The following CALN1 variants were observed in gnomAD, a reference collection of about 807,000 sequenced individuals.
CALN1 encodes calcium-binding protein 8.
A neutral mutation model predicts 30.6 loss-of-function variants in CALN1; 17 were observed. That is an observed-to-expected ratio of 0.56 (90% CI 0.38 to 0.83). The LOEUF (loss-of-function observed/expected upper bound fraction) is 0.83, where lower values mean the gene tolerates loss of function less well. Ranked by LOEUF, CALN1 falls within the 40% of genes least tolerant of loss-of-function variation. CALN1 has a pLI of 0.00. For missense variants in CALN1, 291 were observed against 354.9 expected (o/e 0.82, Z 1.45); for synonymous variants, 156 against 131.4 (o/e 1.19, Z -1.28).
intron 3 of CALN1, among the ~76,000 whole-genome samples, chr7:72,147,712 T>C (rs1021278388): frequency 1.8e-4 from 27 of 151,942 alleles, no homozygotes; most frequent in African/African-American, 5.1e-4. Flanking sequence ...TGTCCAACAA[T>C]GATAGACTGG....
intron 2 of CALN1, among the ~76,000 whole-genome samples, chr7:72,386,266 G>A (rs1805204296): frequency 6.6e-6 from 1 of 152,118 alleles, no homozygotes; most frequent in Non-Finnish European, 1.5e-5. Flanking sequence ...GGAGGTCCAT[G>A]GAATCCCAGG....
chr7:72,092,195 T>C (rs1805909949), intron 4 of CALN1, among the ~76,000 whole-genome samples: 2 of 152,200 alleles, frequency 1.3e-5, no homozygotes, highest in Admixed American at 6.5e-5. Flanking sequence ...GTTCATGAGA[T>C]TGAAAGGTTT....
intron 2 of CALN1, among the ~76,000 whole-genome samples, chr7:72,335,425 A>G (rs1248955035): frequency 6.6e-6 from 1 of 152,206 alleles, no homozygotes; most frequent in Non-Finnish European, 1.5e-5. Flanking sequence ...CAACACACAC[A>G]GCGCAGAAAT....
At chr7:71,935,799 G>T (rs1260948134) in intron 5 of CALN1, among the ~76,000 whole-genome samples, 1 of 152,164 alleles carries the variant, frequency 6.6e-6, no homozygotes, top group African/African-American at 2.4e-5. Context: ...CCATCTTTCA[G>T]CTGTGAGTGA....
intron 5 of CALN1, among the ~76,000 whole-genome samples, chr7:71,917,281 G>A (rs1794728321): frequency 6.6e-6 from 1 of 152,156 alleles, no homozygotes. Context: ...GTAGAAATGG[G>A]GAGACAGATG....
chr7:72,192,632 TTATTATTATTA>T, intron 3 of CALN1, among the ~76,000 whole-genome samples: 2 of 552 alleles, frequency 3.6e-3, no homozygotes, highest in African/African-American at 6.2e-3. Flanking sequence ...TCTTTTATTA[TTATTATTATTA>T]TTATTATTAT....
intron 5 of CALN1, among the ~76,000 whole-genome samples, chr7:71,973,933 A>C (rs1201653215): frequency 6.6e-6 from 1 of 152,212 alleles, no homozygotes; most frequent in Non-Finnish European, 1.5e-5. Context: ...AGTTAGTTTC[A>C]ATTACCTTCG....
chr7:71,929,368 G>A (rs1045309559), intron 5 of CALN1, among the ~76,000 whole-genome samples: 1 of 152,148 alleles, frequency 6.6e-6, no homozygotes, highest in Non-Finnish European at 1.5e-5. Context: ...ACTTACAAGT[G>A]AGAACATGCA....
chr7:72,387,211 AAGGAAGGAAGGGAAGGAAGGGAAGGGAG>A (rs1353682220), intron 2 of CALN1, among the ~76,000 whole-genome samples: 25 of 116,240 alleles, frequency 2.2e-4, no homozygotes, highest in Middle Eastern at 4.5e-3. Context: ...GGAGGGAGGG[AAGGAAGGAAGGGAAGGAAGGGAAGGGAG>A]GGGAGGGAGG....
intron 3 of CALN1, among the ~76,000 whole-genome samples, chr7:72,171,819 A>C (rs1220950157): frequency 6.6e-6 from 1 of 152,166 alleles, no homozygotes; most frequent in Non-Finnish European, 1.5e-5. Flanking sequence ...TTGAAATAGT[A>C]ATAATGTTTA....
chr7:72,412,229 G>C lies in CALN1; in HGVS notation c.-245C>G, dbSNP rs1016136740. On this transcript the variant is annotated 5_prime_UTR_variant, in exon 1 of 7. Transcript: ENST00000395275. ...GACTTCAAGAACGAAGACGCAGACC[G>C]CGGCCGTGAGCTTTAAAGGTGGCGC... 6.6e-6 allele frequency: 1 copy of C among 152,256 alleles called. No homozygotes were observed. The highest frequency in any genetic ancestry group is 2.4e-5 in the African/African-American group (1 of 41,442). 9.4% of individuals were successfully genotyped at this position (152,256 alleles called of 1,614,324 possible).
intron 3 of CALN1, among the ~76,000 whole-genome samples, chr7:72,250,035 A>G (rs1795450058): frequency 6.6e-6 from 1 of 152,006 alleles, no homozygotes; most frequent in African/African-American, 2.4e-5. Context: ...TTTAACTCAG[A>G]TGGGCTCTTT....
intron 2 of CALN1, among the ~76,000 whole-genome samples, chr7:72,357,902 T>C (rs2129559608): frequency 1.3e-5 from 2 of 150,368 alleles, no homozygotes; most frequent in Middle Eastern, 7.1e-3. Flanking sequence ...GCTCCCAGGC[T>C]CAAGGGATTC....
At chr7:71,845,953 T>C (rs939484928) in intron 5 of CALN1, among the ~76,000 whole-genome samples, 6 of 152,074 alleles carry the variant, frequency 3.9e-5, no homozygotes, top group African/African-American at 1.4e-4. Context: ...GTAGGGAGGC[T>C]GAAGCAGGAG....
At chr7:72,191,189 G>A (rs962961187) in intron 3 of CALN1, among the ~76,000 whole-genome samples, 1 of 152,278 alleles carries the variant, frequency 6.6e-6, no homozygotes, top group African/African-American at 2.4e-5. Flanking sequence ...AGAAGAATGC[G>A]ACTGACAGCC....
chr7:72,367,378 A>C (rs1392109478), intron 2 of CALN1, among the ~76,000 whole-genome samples: 3 of 151,996 alleles, frequency 2.0e-5, no homozygotes, highest in Non-Finnish European at 2.9e-5. Flanking sequence ...CCAGCTACTC[A>C]CTCAGAAGGC....
chr7:72,347,747 A>C (rs556714275), intron 2 of CALN1, among the ~76,000 whole-genome samples: 3 of 152,360 alleles, frequency 2.0e-5, no homozygotes, highest in Admixed American at 6.5e-5. Context: ...TTCTGAATGC[A>C]GTGAACATGC....
chr7:72,336,610 G>C, intron 2 of CALN1: 1 of 850,238 alleles, frequency 1.2e-6, no homozygotes, highest in Non-Finnish European at 1.4e-6. Context: ...CGACAGCCCG[G>C]GGGTTTGGAC....
intron 2 of CALN1, among the ~76,000 whole-genome samples, chr7:72,315,422 A>C (rs886905786): frequency 3.9e-5 from 6 of 152,164 alleles, no homozygotes; most frequent in African/African-American, 7.2e-5. Flanking sequence ...ATCCAAGCTA[A>C]AACACCAACA....
Sources: allele counts gnomAD v4.1 joint callset (sites outside exome capture counted in the v4.1 genomes callset), GRCh38; gene constraint gnomAD v4.1.1; transcripts MANE v1.5; gene names NCBI Gene and HGNC (gene_info 2026-07-23, HGNC 2026-07-21).